DLGAP1: variants seen among roughly 807,000 people sequenced by gnomAD.
DLGAP1 encodes the protein disks large-associated protein 1.
Under a neutral mutation model 90.8 loss-of-function variants are expected in DLGAP1, and 11 were observed. The observed-to-expected ratio is 0.12, with a 90% CI of 0.08 to 0.20. The LOEUF is 0.20. Ranked by LOEUF, DLGAP1 falls within the 10% of genes least tolerant of loss-of-function variation. DLGAP1 has a pLI of 1.00. For missense variants in DLGAP1, 1,050 were observed against 1,333.8 expected, an observed-to-expected ratio of 0.79 and a Z score of 3.31; for synonymous variants, 558 against 540.7, an observed-to-expected ratio of 1.03 and a Z score of -0.44.
chr18:4,339,520 T>C (rs974752934), intron 1 of DLGAP1, among the ~76,000 whole-genome samples: 1 of 152,130 alleles, frequency 6.6e-6, no homozygotes, highest in African/African-American at 2.4e-5. Flanking sequence ...AAAAATACAG[T>C]CTATACAAAC....
intron 1 of DLGAP1, among the ~76,000 whole-genome samples, chr18:4,267,469 C>T (rs1350374446): frequency 1.3e-5 from 2 of 152,134 alleles, no homozygotes; most frequent in Non-Finnish European, 2.9e-5. Context: ...GAAGTTTCTC[C>T]CCACCTCCAT....
At chr18:4,054,992 T>C (rs941199613) in intron 2 of DLGAP1, among the ~76,000 whole-genome samples, 5 of 152,210 alleles carry the variant, frequency 3.3e-5, no homozygotes, top group Non-Finnish European at 2.9e-5. Flanking sequence ...TGAGGTATTA[T>C]TTTGCGTGCT....
intron 2 of DLGAP1, among the ~76,000 whole-genome samples, chr18:4,108,668 T>C (rs1475912295): frequency 6.6e-6 from 1 of 152,234 alleles, no homozygotes; most frequent in Non-Finnish European, 1.5e-5. Flanking sequence ...GAAAATGATT[T>C]CATCATGTGA....
intron 1 of DLGAP1, among the ~76,000 whole-genome samples, chr18:4,376,444 T>C (rs1200392948): frequency 6.6e-6 from 1 of 152,162 alleles, no homozygotes; most frequent in African/African-American, 2.4e-5. Flanking sequence ...CTGTTATTAA[T>C]GGTTATTTGA....
rs1439714657 is a variant in DLGAP1 at position 3,565,696 on chromosome 18, G to A, written c.2057+1794C>T. 4.6e-5 allele frequency among the ~76,000 whole-genome samples: 7 copies of A among 151,812 alleles called. No individual in the cohort carries two copies. Among genetic ancestry groups the A allele is most frequent in the African/African-American group, 1.5e-4 (6 of 41,348 alleles). ...TTAAAAATACAAAAATTAGCTGGGC[G>A]TGATGGTCCGTGCCTGTAGTCCCAG... On this transcript the variant is annotated intron_variant, in intron 9 of 12. Transcript: ENST00000315677. This position sits in a 1 kb window ranked among gnomAD's most constrained non-coding sequence, Gnocchi z 4.0.
intron 5 of DLGAP1, among the ~76,000 whole-genome samples, chr18:3,767,838 T>G (rs970349180): frequency 1.3e-5 from 2 of 152,144 alleles, no homozygotes; most frequent in African/African-American, 4.8e-5. Flanking sequence ...AAAGACAGAA[T>G]GTTTTCCCCC....
chr18:3,638,246 CCTTT>C (rs2058796542), intron 7 of DLGAP1, among the ~76,000 whole-genome samples: 4 of 126,008 alleles, frequency 3.2e-5, no homozygotes, highest in Non-Finnish European at 6.4e-5. Context: ...CGTGCCCGGC[CCTTT>C]TTTTTTTTTT....
intron 7 of DLGAP1, among the ~76,000 whole-genome samples, chr18:3,712,572 GA>G (rs1567999179): frequency 1.3e-5 from 2 of 152,160 alleles, no homozygotes; most frequent in Non-Finnish European, 2.9e-5. Flanking sequence ...TCCAAGTAGC[GA>G]ATAAGCTCTG....
intron 10 of DLGAP1, among the ~76,000 whole-genome samples, chr18:3,514,417 C>G (rs964632641): frequency 6.6e-6 from 1 of 152,196 alleles, no homozygotes; most frequent in African/African-American, 2.4e-5. Flanking sequence ...ACGACAGACA[C>G]CCCTGCAATG....
intron 3 of DLGAP1, among the ~76,000 whole-genome samples, chr18:3,925,999 T>G (rs2148919589): frequency 6.6e-6 from 1 of 152,318 alleles, no homozygotes; most frequent in South Asian, 2.1e-4. Context: ...AGGAAATAGG[T>G]TTGTTTTCCT....
chr18:3,941,908 C>T (rs1035699597), intron 3 of DLGAP1, among the ~76,000 whole-genome samples: 1 of 152,086 alleles, frequency 6.6e-6, no homozygotes, highest in African/African-American at 2.4e-5. Flanking sequence ...AAGACAGGGC[C>T]TCACTACATT....
intron 5 of DLGAP1, 145 bp from the exon 6 acceptor site, chr18:3,742,657 A>C (rs2063105812): frequency 2.2e-6 from 2 of 922,710 alleles, no homozygotes; most frequent in Admixed American, 5.3e-5. Context: ...AAACTCCCCC[A>C]CAGTGTCTCA....
intron 4 of DLGAP1, among the ~76,000 whole-genome samples, chr18:3,829,788 C>G (rs543707937): frequency 6.6e-6 from 1 of 152,114 alleles, no homozygotes; most frequent in African/African-American, 2.4e-5. Flanking sequence ...ATTTTAACCA[C>G]GTGTATACAA....
chr18:3,633,414 A>AG (rs1311302762), intron 7 of DLGAP1, among the ~76,000 whole-genome samples: 2 of 151,862 alleles, frequency 1.3e-5, no homozygotes, highest in African/African-American at 4.8e-5. Context: ...AAAAAAAAAA[A>AG]AAAAAGCCTA....
chr18:3,741,341 A>C, intron 6 of DLGAP1, among the ~76,000 whole-genome samples: 1 of 136,726 alleles, frequency 7.3e-6, no homozygotes. Context: ...CACCACCACC[A>C]CCACCACCAC....
chr18:4,362,080 TAAC>T (rs1367635452), intron 1 of DLGAP1, among the ~76,000 whole-genome samples: 1 of 152,060 alleles, frequency 6.6e-6, no homozygotes, highest in Non-Finnish European at 1.5e-5. Flanking sequence ...TAACATAAAA[TAAC>T]AAGTGTTGGT....
intron 7 of DLGAP1, among the ~76,000 whole-genome samples, chr18:3,659,130 C>T (rs1180453839): frequency 6.6e-6 from 1 of 152,014 alleles, no homozygotes; most frequent in Non-Finnish European, 1.5e-5. Flanking sequence ...AACTATGTTA[C>T]AGTGAAAATT....
intron 10 of DLGAP1, among the ~76,000 whole-genome samples, chr18:3,533,479 G>A (rs1010271563): frequency 6.6e-6 from 1 of 152,100 alleles, no homozygotes; most frequent in African/African-American, 2.4e-5. Context: ...TATAAGCCTT[G>A]TTTTAATGCT....
At chr18:4,396,829 TG>T (rs1205300295) in intron 1 of DLGAP1, among the ~76,000 whole-genome samples, 2 of 152,218 alleles carry the variant, frequency 1.3e-5, no homozygotes, top group African/African-American at 2.4e-5. Context: ...GAAGAGCCCT[TG>T]GCTGGGTTTT....
Sources: allele counts gnomAD v4.1 joint callset (sites outside exome capture counted in the v4.1 genomes callset), GRCh38; gene constraint gnomAD v4.1.1; non-coding constraint Gnocchi (gnomAD v3.1); transcripts MANE v1.5; gene names NCBI Gene and HGNC (gene_info 2026-07-23, HGNC 2026-07-21).